The following CPED1 variants were observed in gnomAD, a reference collection of about 807,000 sequenced individuals.
CPED1 encodes the protein cadherin like and PC-esterase domain containing 1, also known as cadherin-like and PC-esterase domain-containing protein 1.
Under a neutral mutation model 128.2 loss-of-function variants are expected in CPED1, and 114 were observed. The observed-to-expected ratio is 0.89, with a 90% CI of 0.76 to 1.04. The LOEUF (loss-of-function observed/expected upper bound fraction) is 1.04, where lower values mean the gene tolerates loss of function less well. CPED1 is among the 50% of genes least tolerant of loss of function. The pLI is 0.00. For missense variants in CPED1, 1,211 were observed against 1,207.1 expected (o/e 1.00, Z -0.05); for synonymous variants, 462 against 426.7 (o/e 1.08, Z -1.02).
intron 22 of CPED1, among the ~76,000 whole-genome samples, chr7:121,276,499 A>G (rs761046497): frequency 2.6e-5 from 4 of 152,184 alleles, no homozygotes; most frequent in Non-Finnish European, 4.4e-5. Flanking sequence ...GACGTACTCT[A>G]TGCCCTCAGG....
chr7:121,127,736 A>T (rs890533583), intron 10 of CPED1, among the ~76,000 whole-genome samples: 1 of 151,878 alleles, frequency 6.6e-6, no homozygotes, highest in Non-Finnish European at 1.5e-5. Context: ...GGGTTTCATC[A>T]TGTTGGCCAG....
At chr7:121,087,222 C>T (rs1794446146) in intron 5 of CPED1, among the ~76,000 whole-genome samples, 1 of 152,064 alleles carries the variant, frequency 6.6e-6, no homozygotes, top group Admixed American at 6.6e-5. Flanking sequence ...ATTAGCCATC[C>T]TCAATACACA....
At chr7:121,269,120 G>A (rs750027432) in intron 21 of CPED1, among the ~76,000 whole-genome samples, 15 of 151,998 alleles carry the variant, frequency 9.9e-5, no homozygotes, top group African/African-American at 3.1e-4. Flanking sequence ...TGTAGCAAGC[G>A]TAGTATCTAA....
chr7:121,168,730 G>A (rs7790700), intron 16 of CPED1, among the ~76,000 whole-genome samples: 8 of 151,796 alleles, frequency 5.3e-5, no homozygotes, highest in Non-Finnish European at 1.0e-4. Context: ...CTCCTCCAGC[G>A]CTCCACTACC....
intron 16 of CPED1, among the ~76,000 whole-genome samples, chr7:121,159,430 C>T (rs755229883): frequency 4.6e-5 from 7 of 152,010 alleles, no homozygotes; most frequent in Non-Finnish European, 5.9e-5. Flanking sequence ...TTTTTGTTTA[C>T]CTCTTCAAAA....
At chr7:121,153,890 A>G (rs919724447) in intron 16 of CPED1, among the ~76,000 whole-genome samples, 2 of 152,222 alleles carry the variant, frequency 1.3e-5, no homozygotes, top group Admixed American at 1.3e-4. Flanking sequence ...AAAATAAGAA[A>G]AAGTTAGGTA....
chr7:121,013,251 C>A (rs10266319), intron 2 of CPED1, among the ~76,000 whole-genome samples: 11 of 152,300 alleles, frequency 7.2e-5, no homozygotes, highest in African/African-American at 2.6e-4. Flanking sequence ...TTATTGCTAA[C>A]ATTTATAACA....
At chr7:121,008,332 T>C (rs1464604907) in intron 2 of CPED1, among the ~76,000 whole-genome samples, 5 of 152,140 alleles carry the variant, frequency 3.3e-5, no homozygotes, top group African/African-American at 1.2e-4. Flanking sequence ...AGATAATAAG[T>C]AGCATTGCAT....
At chr7:121,068,414 C>A (rs1793904533) in intron 5 of CPED1, among the ~76,000 whole-genome samples, 2 of 151,906 alleles carry the variant, frequency 1.3e-5, no homozygotes, top group Admixed American at 1.3e-4. Flanking sequence ...TGTCAAAGAT[C>A]AGATAGTTGT....
At chr7:121,218,100 T>G (rs1441466313) in intron 16 of CPED1, among the ~76,000 whole-genome samples, 1 of 151,378 alleles carries the variant, frequency 6.6e-6, no homozygotes, top group African/African-American at 2.4e-5. Flanking sequence ...TTCTCCTGCC[T>G]CAGACTCCTG....
intron 4 of CPED1, among the ~76,000 whole-genome samples, chr7:121,047,318 C>G (rs928448244): frequency 6.6e-6 from 1 of 152,074 alleles, no homozygotes; most frequent in African/African-American, 2.4e-5. Flanking sequence ...TTTTAGATGC[C>G]TTTTCTAATT....
At chr7:121,256,129 C>CAAAAAAAAAAAAAAAAAAAAAAAACA (rs201393067) in intron 18 of CPED1, among the ~76,000 whole-genome samples, 1 of 101,264 alleles carries the variant, frequency 9.9e-6, no homozygotes. Flanking sequence ...AAAAACAAAA[C>CAAAAAAAAAAAAAAAAAAAAAAAACA]AAAAAAAAAA....
At chr7:121,131,397 T>A (rs538057939) in intron 12 of CPED1, among the ~76,000 whole-genome samples, 23 of 151,848 alleles carry the variant, frequency 1.5e-4, no homozygotes, top group African/African-American at 5.6e-4. Flanking sequence ...AGACACTTTG[T>A]TTGTACTTTA....
chr7:121,242,974 C>T (rs112554269), intron 17 of CPED1, among the ~76,000 whole-genome samples: 199 of 152,192 alleles, frequency 1.3e-3, no homozygotes, highest in Non-Finnish European at 2.3e-3. Flanking sequence ...TCTAACATCC[C>T]TGAAGTCATG....
chr7:121,039,330 CT>C (rs1391715010), intron 3 of CPED1, among the ~76,000 whole-genome samples: 1 of 151,960 alleles, frequency 6.6e-6, no homozygotes, highest in Non-Finnish European at 1.5e-5. Context: ...TTTGTTGTTA[CT>C]TTTTTGTTTG....
chr7:121,152,015 G>A (rs1314722455), intron 16 of CPED1, among the ~76,000 whole-genome samples: 1 of 152,178 alleles, frequency 6.6e-6, no homozygotes, highest in Non-Finnish European at 1.5e-5. Flanking sequence ...TTTACCGCCT[G>A]ACATATTTAA....
rs190787622 is a variant in CPED1 at position 121,109,933 on chromosome 7, G to A, written c.918+9839G>A. On this transcript the variant is annotated intron_variant, in intron 7 of 22. Transcript: ENST00000310396. ...TAGGACGATGATTACATCCTTTCAG[G>A]CTGAGTAATAAGCAAATATCCAATT... Among the ~76,000 whole-genome samples, 1,166 of 152,264 alleles carry A rather than the reference G, an allele frequency of 7.7e-3. 7 individuals are homozygous for A. Among genetic ancestry groups the A allele is most frequent in the Middle Eastern group, 0.014 (4 of 294 alleles).
At chr7:121,236,898 A>C in intron 17 of CPED1, 67 bp downstream of exon 17, 4 of 710,680 alleles carry the variant, frequency 5.6e-6, no homozygotes, top group Non-Finnish European at 9.1e-6. Flanking sequence ...GTGTATGCTT[A>C]TTTAAACTAT....
chr7:121,295,142 C>CACAT (rs1792797482), intron 22 of CPED1, among the ~76,000 whole-genome samples: 1 of 103,142 alleles, frequency 9.7e-6, no homozygotes, highest in Non-Finnish European at 2.3e-5. Flanking sequence ...GGCCTGAAAA[C>CACAT]ACACACACAC....
Sources: gnomAD v4.1 joint callset for allele counts (sites outside exome capture counted in the v4.1 genomes callset) on GRCh38, gnomAD v4.1.1 for gene constraint, MANE v1.5 for transcripts, NCBI Gene and HGNC (gene_info 2026-07-23, HGNC 2026-07-21) for gene names.